Variants in NOL8 observed in about 807,000 individuals in gnomAD.
NOL8 encodes the protein nucleolar protein Nop132.
NOL8 carries 93 observed loss-of-function variants against 116.1 expected under a neutral mutation model. That is an observed-to-expected ratio of 0.80 (90% CI 0.68 to 0.95). NOL8 has a LOEUF of 0.95. NOL8 is among the 40% of genes least tolerant of loss of function. NOL8 has a pLI of 0.00. For synonymous variants in NOL8, 419 were observed against 469.0 expected (o/e 0.89, Z 1.38); for missense variants, 1,291 against 1,382.8 (o/e 0.93, Z 1.05).
chr9:92,313,501 T>C (rs1316362890), intron 7 of NOL8, among the ~76,000 whole-genome samples: 1 of 152,226 alleles, frequency 6.6e-6, no homozygotes, highest in Non-Finnish European at 1.5e-5. Flanking sequence ...TGTTCCAAAA[T>C]AGACACAATT....
At position 92,314,827 on chromosome 9, in the gene NOL8, G is replaced by C. The variant is rs1421739039; in HGVS notation, c.1798C>G (p.Gln600Glu). The change falls in exon 7 of 17, where the codon CAG becomes GAG. Residue 600 changes from glutamine to glutamate, a missense_variant. Transcript: ENST00000442668. The stretch of plus-strand genomic sequence containing the variant: ...GGATCCTCATGTTTCATGGAATTCT[G>C]ATCTTTATTGTTAGAGGCAACACTG... ...KDSVASNNKD[Q>E]NSMKHEDPSI... The C allele has an allele frequency of 3.7e-6, 6 of 1,613,248 alleles. No homozygotes were observed. The highest frequency in any genetic ancestry group is 4.2e-6 in the Non-Finnish European group (5 of 1,179,632).
chr9:92,300,541 T>A lies in NOL8; in HGVS notation c.3176-525A>T, dbSNP rs1326319293. The A allele has an allele frequency of 8.1e-6, 8 of 990,238 alleles. 1 individual carries two copies. The highest frequency in any genetic ancestry group is 9.6e-6 in the Non-Finnish European group (8 of 832,628). 61.3% of individuals were successfully genotyped at this position (990,238 alleles called of 1,614,324 possible). A position where few individuals can be genotyped will look rare whatever the true frequency, so the allele number is the denominator to read the frequency against. On this transcript the variant is annotated intron_variant, in intron 13 of 16. Transcript: ENST00000442668. ...AAATTTCCCAAGTACTTAAAAAACA[T>A]CTTTCAAGTTGCTGATGTCTTTAGG...
rs1455590265 is a variant in NOL8, at chr9:92,301,672, C to G, written c.3054G>C (p.Glu1018Asp). Residue 1018 changes from glutamate (E) to aspartate (D), a missense_variant, in exon 13 of 17, where the codon GAG (glutamate) becomes GAC (aspartate). By Grantham distance (45) the Glu-to-Asp change is conservative. Transcript: ENST00000442668. Reference sequence around the variant, plus strand: ...CCTCAGGTTTCTCTTTACCACAGTCCTCATTCCAGGGTGTGCCCTCTTCCT... The same window carrying G: ...CCTCAGGTTTCTCTTTACCACAGTCGTCATTCCAGGGTGTGCCCTCTTCCT... ...SEKEEGTPWN[E>D]DCGKEKPEEI... 1 of 1,605,262 alleles carries G rather than the reference C, an allele frequency of 6.2e-7. No individual in the cohort carries two copies. Among genetic ancestry groups the G allele is most frequent in the Non-Finnish European group, 8.5e-7 (1 of 1,177,584 alleles).
chr9:92,318,310 T>C (rs1839612691), intron 6 of NOL8, among the ~76,000 whole-genome samples: 1 of 152,190 alleles, frequency 6.6e-6, no homozygotes, highest in African/African-American at 2.4e-5. Context: ...TCTTTAATGA[T>C]GGTCTCTGGG....
intron 4 of NOL8, 111 bp from the exon 5 acceptor site, chr9:92,319,467 A>G: frequency 8.8e-7 from 1 of 1,140,868 alleles, no homozygotes; most frequent in Non-Finnish European, 1.2e-6. Flanking sequence ...TTGTAGTATT[A>G]AAAACCAAAA....
rs1477788375 is a variant in NOL8, at chr9:92,305,796, G to A, written c.2860C>T (p.His954Tyr). 1.2e-6 allele frequency: 2 copies of A among 1,612,704 alleles called. No individual in the cohort carries two copies. The highest frequency in any genetic ancestry group is 1.7e-6 in the Non-Finnish European group (2 of 1,179,020). The change falls in exon 12 of 17, where the codon CAT becomes TAT. Residue 954 changes from histidine (H) to tyrosine (Y), a missense_variant. His to Tyr is a moderately conservative substitution (Grantham distance 83). Transcript: ENST00000442668. ...IIHYDPTKQDHATYERKRDDK... is the reference protein window; with the variant it reads ...IIHYDPTKQDYATYERKRDDK... ...TCTCTTTTTCTTTCGTAAGTGGCAT[G>A]GTCTTGCTTCGTTGGATCATAATGT...
chr9:92,316,300 AAG>A (rs1177541018), intron 6 of NOL8, among the ~76,000 whole-genome samples, 162 bp from the exon 7 acceptor site: 2 of 152,188 alleles, frequency 1.3e-5, no homozygotes, highest in Non-Finnish European at 2.9e-5. Context: ...TTCAGGGTCT[AAG>A]AAACTGAGCT....
At chr9:92,321,899 GGGAGCCTAGGCTCTT>G (rs1839958763) in intron 3 of NOL8, among the ~76,000 whole-genome samples, 153 bp from the exon 4 acceptor site, 1 of 152,190 alleles carries the variant, frequency 6.6e-6, no homozygotes, top group Non-Finnish European at 1.5e-5. Flanking sequence ...CCTGGAGAGA[GGGAGCCTAGGCTCTT>G]GTTTCATCTT....
In NOL8 at chr9:92,297,808, A is replaced by AT. The variant is rs1837364095; in HGVS notation, c.*27dup. ...GTTTCCTTAGGTGAGCCTTGTTCACATTCAGTATCAAAACCAGCTGACATT... is the reference window on the plus strand; with the variant it reads ...GTTTCCTTAGGTGAGCCTTGTTCACATTTCAGTATCAAAACCAGCTGACATT... On this transcript the variant is annotated 3_prime_UTR_variant, in exon 17 of 17. Coordinates refer to ENST00000442668, the MANE Select transcript of NOL8 (RefSeq NM_017948.6). 3 of 1,529,612 alleles carry AT rather than the reference A, an allele frequency of 2.0e-6. No homozygotes were observed. Among genetic ancestry groups the AT allele is most frequent in the Middle Eastern group, 1.7e-4 (1 of 5,906 alleles). The allele number at this position is 1,529,612 out of a possible 1,614,324, so 94.8% of individuals were successfully genotyped here.
chr9:92,310,450 G>T, intron 9 of NOL8, 103 bp downstream of exon 9: 1 of 1,339,578 alleles, frequency 7.5e-7, no homozygotes, highest in Non-Finnish European at 1.0e-6. Flanking sequence ...ACACCCCGAT[G>T]CTATAATGTA....
intron 10 of NOL8, among the ~76,000 whole-genome samples, chr9:92,308,251 G>A (rs1209022401): frequency 6.6e-6 from 1 of 152,152 alleles, no homozygotes; most frequent in Non-Finnish European, 1.5e-5. Context: ...AGCTGGACAT[G>A]GTGGCACATG....
intron 7 of NOL8, among the ~76,000 whole-genome samples, chr9:92,312,446 TAAAAAAAAAAAAAAAAA>T (rs34116665): frequency 1.4e-4 from 8 of 57,544 alleles, no homozygotes; most frequent in African/African-American, 6.0e-4. Context: ...TGAGACCCTG[TAAAAAAAAAAAAAAAAA>T]AAAAAAAAAG....
Position 92,310,162 on chromosome 9 carries a change from A to C in NOL8, c.2686+9T>G, listed in dbSNP as rs1243716175. 6.3e-7 allele frequency: 1 copy of C among 1,591,646 alleles called. No individual in the cohort carries two copies. Among genetic ancestry groups the C allele is most frequent in the South Asian group, 1.1e-5 (1 of 87,764 alleles). On this transcript the variant is annotated intron_variant, in intron 10 of 16. Transcript: ENST00000442668. ...ATGACATCAGGACTCTGGACAATGAAGCATTTACCTTCCTGTTCCTCTTCA... is the reference window on the plus strand; with the variant it reads ...ATGACATCAGGACTCTGGACAATGACGCATTTACCTTCCTGTTCCTCTTCA...
At chr9:92,320,583 T>A (rs1839837423) in intron 4 of NOL8, among the ~76,000 whole-genome samples, 1 of 152,044 alleles carries the variant, frequency 6.6e-6, no homozygotes, top group Non-Finnish European at 1.5e-5. Context: ...CTGGTCATTC[T>A]ACCTGTATAT....
intron 7 of NOL8, among the ~76,000 whole-genome samples, chr9:92,313,503 G>C (rs553663437): frequency 6.6e-6 from 1 of 152,154 alleles, no homozygotes; most frequent in Non-Finnish European, 1.5e-5. Context: ...TTCCAAAATA[G>C]ACACAATTAA....
rs35089570 is a variant in NOL8 at position 92,312,827 on chromosome 9, CAAAAAAAAA to C, written c.2358+1431_2358+1439del. ...GGGCAACAAGAGCAAAACTCCATCT[CAAAAAAAAA>C]AAAAAAAAAAAAGAAAAGAAAAACC... On this transcript the variant is annotated intron_variant, in intron 7 of 16. Coordinates refer to ENST00000442668, the MANE Select transcript of NOL8 (RefSeq NM_017948.6). 5.3e-3 allele frequency among the ~76,000 whole-genome samples: 292 copies of C among 55,452 alleles called. 2 individuals carry two copies. The highest frequency in any genetic ancestry group is 0.021 in the African/African-American group (268 of 12,778). 36.4% of individuals were successfully genotyped at this position (55,452 alleles called of 152,430 possible).
chr9:92,323,804 G>C (rs1490060742), intron 2 of NOL8, among the ~76,000 whole-genome samples: 3 of 152,178 alleles, frequency 2.0e-5, no homozygotes, highest in African/African-American at 7.2e-5. Context: ...AAAACTGGAA[G>C]TTAATATGTT....
Position 92,323,485 on chromosome 9 carries a change from A to G in NOL8, c.158T>C (p.Phe53Ser). The part of the protein sequence containing the change: ...KDDQGNPQKV[F>S]AYINISVAEA... ...TGCTACACTGATGTTGATATATGCA[A>G]AAACTTTCTGTGGGTTTCCTAAAAA... Residue 53 changes from phenylalanine to serine, a missense_variant, in exon 3 of 17, where the codon TTT (phenylalanine) becomes TCT (serine). Coordinates refer to ENST00000442668, the MANE Select transcript of NOL8 (RefSeq NM_017948.6). The G allele has an allele frequency of 6.2e-7, 1 of 1,605,670 alleles. No individual in the cohort carries two copies. The highest frequency in any genetic ancestry group is 8.5e-7 in the Non-Finnish European group (1 of 1,176,818).
At chr9:92,319,057 G>T (rs532340078) in intron 5 of NOL8, 164 bp downstream of exon 5, 1 of 645,338 alleles carries the variant, frequency 1.5e-6, no homozygotes, top group African/African-American at 1.9e-5. Context: ...GCTTACCTAA[G>T]AGTTGTAAAT....
Sources: allele counts gnomAD v4.1 joint callset (sites outside exome capture counted in the v4.1 genomes callset), GRCh38; gene constraint gnomAD v4.1.1; transcripts MANE v1.5; gene names NCBI Gene and HGNC (gene_info 2026-07-23, HGNC 2026-07-21).